KCNIP4: variants seen among roughly 807,000 people sequenced by gnomAD.
KCNIP4 encodes the protein Kv channel-interacting protein 4.
A neutral mutation model predicts 34.0 loss-of-function variants in KCNIP4; 12 were observed. That is an observed-to-expected ratio of 0.35 (90% confidence interval 0.23 to 0.57). The LOEUF is 0.57. Ranked by LOEUF, KCNIP4 falls within the 20% of genes least tolerant of loss-of-function variation. The probability of loss-of-function intolerance (pLI) is 0.83; values close to 1 mark genes in which losing one functional copy is unlikely to be tolerated. For synonymous variants in KCNIP4, 124 were observed against 102.2 expected (o/e 1.21, Z -1.29); for missense variants, 238 against 311.7 (o/e 0.76, Z 1.78).
chr4:21,182,859 C>G (rs1041502362), intron 1 of KCNIP4, among the ~76,000 whole-genome samples: 18 of 152,130 alleles, frequency 1.2e-4, no homozygotes, highest in African/African-American at 4.3e-4. Flanking sequence ...TATGCATGCT[C>G]TCATTTTTTG....
rs142604859 is a variant in KCNIP4, at chr4:20,747,795, G to GC, written c.429+1866dup. Among the ~76,000 whole-genome samples the GC allele has an allele frequency of 2.3e-3, 353 of 152,234 alleles. 8 individuals carry two copies. In the South Asian group the frequency reaches 0.046, roughly 20 times the overall value. ...AGTATGTGTGAGGAGGCTCTTGCCT[G>GC]CCCTGTTCATCCTGCCCCTGTGGTG... On this transcript the variant is annotated intron_variant, in intron 5 of 8. Transcript: ENST00000382152.
intron 1 of KCNIP4, among the ~76,000 whole-genome samples, chr4:21,935,216 C>T (rs528559439): frequency 6.6e-6 from 1 of 152,172 alleles, no homozygotes; most frequent in African/African-American, 2.4e-5. Context: ...ACTATACCTT[C>T]CTACTTAATG....
At chr4:20,957,359 C>A (rs1340725883) in intron 1 of KCNIP4, among the ~76,000 whole-genome samples, 15 of 152,148 alleles carry the variant, frequency 9.9e-5, no homozygotes, top group African/African-American at 3.6e-4. Context: ...ACACACTATA[C>A]TCATTATCTC....
At chr4:21,609,970 A>T (rs1348655600) in intron 1 of KCNIP4, among the ~76,000 whole-genome samples, 1 of 152,250 alleles carries the variant, frequency 6.6e-6, no homozygotes, top group Non-Finnish European at 1.5e-5. Context: ...CACCAGGAAT[A>T]TTCTTGTCAT....
At chr4:21,631,387 C>T (rs921525897) in intron 1 of KCNIP4, among the ~76,000 whole-genome samples, 2 of 152,026 alleles carry the variant, frequency 1.3e-5, no homozygotes, top group African/African-American at 2.4e-5. Context: ...GTTATGTAAA[C>T]ATTAGCTAAA....
In KCNIP4 at chr4:21,267,560, C is replaced by T. The variant is rs61420026; in HGVS notation, c.62-384851G>A. ...TTTATTGAGAGTTTTTAGCATGAAG[C>T]GTTGTTGAATTTTGTCAAAGGCCTT... is the stretch of plus-strand genomic sequence containing the variant. On this transcript the variant is annotated intron_variant, in intron 1 of 8. Coordinates refer to ENST00000382152, the MANE Select transcript of KCNIP4 (RefSeq NM_025221.6). Among the ~76,000 whole-genome samples, 13 of 148,694 alleles carry T rather than the reference C, an allele frequency of 8.7e-5. No homozygotes were observed. In the South Asian group the frequency reaches 2.4e-3, roughly 28 times the overall value.
At chr4:20,851,436 G>T (rs982275516) in intron 2 of KCNIP4, among the ~76,000 whole-genome samples, 10 of 152,088 alleles carry the variant, frequency 6.6e-5, no homozygotes, top group African/African-American at 2.4e-4. Context: ...TCTATCATTG[G>T]TGGGCGGTTA....
At chr4:21,364,149 T>C (rs1033491429) in intron 1 of KCNIP4, among the ~76,000 whole-genome samples, 3 of 152,196 alleles carry the variant, frequency 2.0e-5, no homozygotes, top group Admixed American at 6.6e-5. Flanking sequence ...CAAGGATTGT[T>C]TCTCAAGTGG....
Position 21,948,723 on chromosome 4 carries a change from G to T in KCNIP4, c.-92C>A. Reference sequence around the variant, plus strand: ...TCTGCACGGGAGCGCACCGCCGCTCGGCCCGGGGGCGTCCGTGGCGCTGGG... The same window carrying T: ...TCTGCACGGGAGCGCACCGCCGCTCTGCCCGGGGGCGTCCGTGGCGCTGGG... On this transcript the variant is annotated 5_prime_UTR_variant, in exon 1 of 9. Transcript: ENST00000382152. 7.6e-7 allele frequency: 1 copy of T among 1,308,012 alleles called. No individual in the cohort carries two copies. The highest frequency in any genetic ancestry group is 9.9e-7 in the Non-Finnish European group (1 of 1,012,336). The allele number at this position is 1,308,012 out of a possible 1,614,324, so 81.0% of individuals were successfully genotyped here.
At chr4:20,991,528 G>C (rs1461982013) in intron 1 of KCNIP4, among the ~76,000 whole-genome samples, 2 of 152,160 alleles carry the variant, frequency 1.3e-5, no homozygotes, top group Non-Finnish European at 2.9e-5. Flanking sequence ...AATGGGGCCT[G>C]TGTTCTGTTT....
At chr4:21,043,577 G>A (rs1742151518) in intron 1 of KCNIP4, among the ~76,000 whole-genome samples, 2 of 151,678 alleles carry the variant, frequency 1.3e-5, no homozygotes, top group Non-Finnish European at 2.9e-5. Context: ...GACCTCAAGT[G>A]ATCCACCCGC....
At chr4:21,183,145 T>C (rs1191044101) in intron 1 of KCNIP4, among the ~76,000 whole-genome samples, 1 of 152,156 alleles carries the variant, frequency 6.6e-6, no homozygotes, top group African/African-American at 2.4e-5. Flanking sequence ...CTAAACATAA[T>C]GTCCTAAAGG....
At chr4:21,513,831 C>T (rs7672980) in intron 1 of KCNIP4, among the ~76,000 whole-genome samples, 26,591 of 152,066 alleles carry the variant, frequency 0.17, 2,745 homozygotes, top group Middle Eastern at 0.27. Context: ...GGATGAACAA[C>T]GGTACAAAAC....
intron 2 of KCNIP4, among the ~76,000 whole-genome samples, chr4:20,877,216 C>T (rs1369747609): frequency 6.6e-6 from 1 of 152,148 alleles, no homozygotes; most frequent in Non-Finnish European, 1.5e-5. Context: ...AGGACCAGAG[C>T]CCTTTTTTAT....
At chr4:21,910,297 T>C (rs964712538) in intron 1 of KCNIP4, among the ~76,000 whole-genome samples, 21 of 152,024 alleles carry the variant, frequency 1.4e-4, no homozygotes, top group Admixed American at 8.5e-4. Context: ...TTACATCAAT[T>C]TATCATCAAA....
At chr4:21,270,935 G>A (rs1762104353) in intron 1 of KCNIP4, among the ~76,000 whole-genome samples, 1 of 145,740 alleles carries the variant, frequency 6.9e-6, no homozygotes, top group Non-Finnish European at 1.5e-5. Flanking sequence ...GCAGTGAGCT[G>A]AGATCACACC....
At chr4:20,762,946 C>G (rs1358963649) in intron 3 of KCNIP4, among the ~76,000 whole-genome samples, 1 of 75,936 alleles carries the variant, frequency 1.3e-5, no homozygotes, top group Non-Finnish European at 2.3e-5. Flanking sequence ...ACCTTCTTCA[C>G]AAGGCAGCAA....
At chr4:21,679,514 T>C (rs1750178276) in intron 1 of KCNIP4, among the ~76,000 whole-genome samples, 1 of 152,070 alleles carries the variant, frequency 6.6e-6, no homozygotes, top group South Asian at 2.1e-4. Context: ...TCCACACCCA[T>C]GGCCAGTGAA....
rs932605805 is a variant in KCNIP4, at chr4:21,147,247, C to G, written c.62-264538G>C. 3.9e-5 allele frequency among the ~76,000 whole-genome samples: 6 copies of G among 151,998 alleles called. 1 individual carries two copies. The highest frequency in any genetic ancestry group is 8.8e-5 in the Non-Finnish European group (6 of 68,012). Reference sequence around the variant, plus strand: ...TCCTTGGACCTATCTACCCGATGCCCCCACCCCCAAACCTGGGTTCCAATA... The same window carrying G: ...TCCTTGGACCTATCTACCCGATGCCGCCACCCCCAAACCTGGGTTCCAATA... On this transcript the variant is annotated intron_variant, in intron 1 of 8. Coordinates refer to ENST00000382152, the MANE Select transcript of KCNIP4 (RefSeq NM_025221.6).
Sources: allele counts gnomAD v4.1 joint callset (sites outside exome capture counted in the v4.1 genomes callset), GRCh38; gene constraint gnomAD v4.1.1; transcripts MANE v1.5; gene names NCBI Gene and HGNC (gene_info 2026-07-23, HGNC 2026-07-21).